CEP350: variants seen among roughly 807,000 people sequenced by gnomAD.
The protein encoded by CEP350 is centrosomal protein 350.
A neutral mutation model predicts 331.8 loss-of-function variants in CEP350; 126 were observed. The ratio of observed to expected loss-of-function variants is 0.38; its 90% CI spans 0.33 to 0.44. CEP350 has a LOEUF of 0.44. Among genes scored for constraint, CEP350 ranks in the 20% least tolerant of loss-of-function variants. The pLI is 1.00. For synonymous variants in CEP350, 1,200 were observed against 1,259.5 expected (o/e 0.95, Z 1.00); for missense variants, 3,406 against 3,634.6 (o/e 0.94, Z 1.62).
At chr1:180,052,079 CTA>C (rs1218870961) in intron 22 of CEP350, 8 of 318,292 alleles carry the variant, frequency 2.5e-5, no homozygotes, top group East Asian at 1.3e-4. Flanking sequence ...GTATGCGTAA[CTA>C]TGTGCACACA....
rs1659947795 is a variant in CEP350 at position 180,087,731 on chromosome 1, A to T, written c.6425+14A>T. The T allele has an allele frequency of 6.7e-7, 1 of 1,491,900 alleles. No homozygotes were observed. Among genetic ancestry groups the T allele is most frequent in the South Asian group, 1.4e-5 (1 of 69,282 alleles). The allele number at this position is 1,491,900 out of a possible 1,614,324, so 92.4% of individuals were successfully genotyped here. On this transcript the variant is annotated intron_variant, in intron 32 of 37. Coordinates refer to ENST00000367607, the MANE Select transcript of CEP350 (RefSeq NM_014810.5). ...ACCACTACACAGGTAGAAATTTTTG[A>T]TAACTTGTCTGTATTCTGCCTTGTT...
intron 1 of CEP350, among the ~76,000 whole-genome samples, chr1:179,960,354 G>A (rs1378720391): frequency 6.6e-6 from 1 of 152,068 alleles, no homozygotes; most frequent in African/African-American, 2.4e-5. Flanking sequence ...GCCCTGGTGG[G>A]GAAATCAAAA....
rs201257727 is a variant in CEP350, at chr1:180,013,940, G to A, written c.1487G>A (p.Arg496Gln). ...TCAGAACGTTCGAGAAGTAAATCTC[G>A]GTCTGAAAATAATATAAAGAAACTA... ...RNSERSRSKS[R>Q]SENNIKKLAS... The change falls in exon 10 of 38, where the codon CGG becomes CAG. Residue 496 changes from arginine (R) to glutamine (Q), a missense_variant. Arg to Gln is a conservative substitution (Grantham distance 43). Transcript: ENST00000367607. 20 of 1,613,558 alleles carry A rather than the reference G, an allele frequency of 1.2e-5. No homozygotes were observed. Among genetic ancestry groups the A allele is most frequent in the Non-Finnish European group, 1.5e-5 (18 of 1,179,648 alleles).
chr1:180,001,501 C>T (rs1214206524), intron 6 of CEP350, among the ~76,000 whole-genome samples: 1 of 152,140 alleles, frequency 6.6e-6, no homozygotes, highest in Admixed American at 6.5e-5. Flanking sequence ...TCAAGTGATC[C>T]ACTCGCCTCA....
chr1:180,018,391 A>G (rs1655103661), intron 11 of CEP350, among the ~76,000 whole-genome samples: 1 of 152,116 alleles, frequency 6.6e-6, no homozygotes, highest in African/African-American at 2.4e-5. Context: ...CCTGCTATAA[A>G]ATTGGCATTC....
At chr1:180,090,396 A>C (rs1280149738) in intron 32 of CEP350, among the ~76,000 whole-genome samples, 3 of 151,352 alleles carry the variant, frequency 2.0e-5, no homozygotes, top group Admixed American at 1.3e-4. Flanking sequence ...AATACAAAAA[A>C]TTAGCCGGGC....
At chr1:179,998,303 C>CTT (rs763257368) in intron 6 of CEP350, among the ~76,000 whole-genome samples, 2,824 of 111,744 alleles carry the variant, frequency 0.025, 55 homozygotes, top group East Asian at 0.048. Flanking sequence ...CTTCTATTTT[C>CTT]TTTTTTTTTT....
chr1:180,013,064 G>A (rs972413878), intron 9 of CEP350, among the ~76,000 whole-genome samples: 1 of 152,008 alleles, frequency 6.6e-6, no homozygotes, highest in African/African-American at 2.4e-5. Context: ...TCTAGTAAAA[G>A]GAATCATTAT....
chr1:179,983,639 C>T (rs1322884265), intron 1 of CEP350, among the ~76,000 whole-genome samples: 2 of 152,150 alleles, frequency 1.3e-5, no homozygotes, highest in Non-Finnish European at 2.9e-5. Context: ...TTAACCATAC[C>T]TTTTAGTTTT....
At chr1:180,076,865 G>C (rs1029697796) in intron 28 of CEP350, among the ~76,000 whole-genome samples, 3 of 152,018 alleles carry the variant, frequency 2.0e-5, no homozygotes, top group African/African-American at 7.2e-5. Context: ...CCATAGAAAG[G>C]AACTTTCTTT....
At chr1:179,996,507 A>G (rs755369599) in intron 5 of CEP350, 46 bp from the exon 6 acceptor site, 6 of 1,350,586 alleles carry the variant, frequency 4.4e-6, no homozygotes, top group Non-Finnish European at 5.0e-6. Flanking sequence ...CAAGTATACA[A>G]TATATTATTA....
rs550164995 is a variant in CEP350 at position 180,098,623 on chromosome 1, C to T, written c.9067-240C>T. On this transcript the variant is annotated intron_variant, in intron 36 of 37. Coordinates refer to ENST00000367607, the MANE Select transcript of CEP350 (RefSeq NM_014810.5). ...CTTCAGAGAGTGCTGGGATTACAGA[C>T]GTGAGTCACCGTGCCCAGCTAGGTT... Among the ~76,000 whole-genome samples, 10 of 152,314 alleles carry T rather than the reference C, an allele frequency of 6.6e-5. No individual in the cohort carries two copies. The South Asian group carries it at 1.4e-3, about 22-fold the overall frequency.
chr1:180,080,779 A>T, intron 30 of CEP350, 118 bp downstream of exon 30: 1 of 829,510 alleles, frequency 1.2e-6, no homozygotes, highest in Non-Finnish European at 2.0e-6. Flanking sequence ...TGGTGAGTTT[A>T]TGTAGGATTG....
chr1:179,968,348 A>T (rs1651179781), intron 1 of CEP350, among the ~76,000 whole-genome samples: 1 of 151,964 alleles, frequency 6.6e-6, no homozygotes, highest in Non-Finnish European at 1.5e-5. Context: ...AAAAAAAAAA[A>T]AGAGGAATAA....
chr1:179,961,319 G>A (rs1003835139), intron 1 of CEP350, among the ~76,000 whole-genome samples: 7 of 152,098 alleles, frequency 4.6e-5, no homozygotes, highest in Admixed American at 6.5e-5. Flanking sequence ...GTGGTGGCGC[G>A]CACCTGTAAT....
At chr1:180,023,057 T>C (rs1022376845) in intron 13 of CEP350, among the ~76,000 whole-genome samples, 2 of 152,190 alleles carry the variant, frequency 1.3e-5, no homozygotes, top group Admixed American at 1.3e-4. Context: ...TTTGTATTTA[T>C]ACATATTACT....
In CEP350 at chr1:180,111,051, T is replaced by C; in HGVS notation, c.9244T>C (p.Leu3082=). ...GTGGGTGAACTATGATGAGGATGAG[T>C]TGTGTGTGAAAATGCAGCTAGCCGA... The part of the protein sequence containing the change: ...AQWVNYDEDE[L]CVKMQLADGI... The change falls in exon 38 of 38, where the codon TTG becomes CTG. Residue 3082 remains leucine (L), a synonymous_variant. Coordinates refer to ENST00000367607, the MANE Select transcript of CEP350 (RefSeq NM_014810.5). 8.7e-6 allele frequency: 14 copies of C among 1,613,682 alleles called. No homozygotes were observed. The highest frequency in any genetic ancestry group is 1.2e-5 in the Non-Finnish European group (14 of 1,179,824).
intron 7 of CEP350, among the ~76,000 whole-genome samples, chr1:180,004,996 C>G (rs1654162571): frequency 7.0e-6 from 1 of 142,626 alleles, no homozygotes; most frequent in African/African-American, 2.6e-5. Flanking sequence ...TTTTTCTTAA[C>G]CTTCTCCCCT....
intron 11 of CEP350, among the ~76,000 whole-genome samples, chr1:180,017,386 T>C (rs953144358): frequency 5.3e-5 from 8 of 152,238 alleles, no homozygotes; most frequent in Non-Finnish European, 1.0e-4. Flanking sequence ...TTTCTAAGTG[T>C]CGTCTCTGGA....
Sources: gnomAD v4.1 joint callset for allele counts (sites outside exome capture counted in the v4.1 genomes callset) on GRCh38, gnomAD v4.1.1 for gene constraint, MANE v1.5 for transcripts, NCBI Gene and HGNC (gene_info 2026-07-23, HGNC 2026-07-21) for gene names.